The following SNRNP48 variants were observed in gnomAD, a reference collection of about 807,000 sequenced individuals.
SNRNP48 encodes the protein small nuclear ribonucleoprotein U11/U12 subunit 48.
Under a neutral mutation model 47.0 loss-of-function variants are expected in SNRNP48, and 43 were observed. That is an observed-to-expected ratio of 0.92 (90% CI 0.72 to 1.18). The LOEUF (loss-of-function observed/expected upper bound fraction) is 1.18. Among genes scored for constraint, SNRNP48 ranks in the 50% most tolerant of loss-of-function variants. The pLI is 0.00. For synonymous variants in SNRNP48, 138 were observed against 144.0 expected, an observed-to-expected ratio of 0.96 and a Z score of 0.30; for missense variants, 396 against 422.2, an observed-to-expected ratio of 0.94 and a Z score of 0.54.
chr6:7,593,069 A>G (rs1759846982), intron 1 of SNRNP48, among the ~76,000 whole-genome samples: 1 of 152,096 alleles, frequency 6.6e-6, no homozygotes, highest in Non-Finnish European at 1.5e-5. Flanking sequence ...ACGGTACTGG[A>G]GAGAAACAAG....
rs947600120 is a variant in SNRNP48 at position 7,601,651 on chromosome 6, A to T, written c.595+127A>T. 3 of 958,966 alleles carry T rather than the reference A, an allele frequency of 3.1e-6. No homozygotes were observed. In the African/African-American group the frequency reaches 5.2e-5, roughly 16 times the overall value. 59.4% of individuals were successfully genotyped at this position (958,966 alleles called of 1,614,324 possible). A position where few individuals can be genotyped will look rare whatever the true frequency, so the allele number is the denominator to read the frequency against. On this transcript the variant is annotated intron_variant, in intron 5 of 8. Coordinates refer to ENST00000342415, the MANE Select transcript of SNRNP48 (RefSeq NM_152551.4). ...AATGGTTTTGTATCATTTAATATTG[A>T]CATGAAGTTGGCCCTCTGTGTCTGT...
In SNRNP48 at chr6:7,610,279, G is replaced by A. The variant is rs1371651101; in HGVS notation, c.*1406G>A. The A allele has an allele frequency of 3.9e-5, 6 of 152,208 alleles. No individual in the cohort carries two copies. 9.4% of individuals were successfully genotyped at this position (152,208 alleles called of 1,614,324 possible). A position where few individuals can be genotyped will look rare whatever the true frequency, so the allele number is the denominator to read the frequency against. ...TGACAGAAAGATTGGATTTGGATCAGATTGGCTGTTAGGCTTCAGGTATGG... is the reference window on the plus strand; with the variant it reads ...TGACAGAAAGATTGGATTTGGATCAAATTGGCTGTTAGGCTTCAGGTATGG... On this transcript the variant is annotated 3_prime_UTR_variant, in exon 9 of 9. Coordinates refer to ENST00000342415, the MANE Select transcript of SNRNP48 (RefSeq NM_152551.4).
At chr6:7,598,099 C>G (rs1451195090) in intron 4 of SNRNP48, among the ~76,000 whole-genome samples, 1 of 151,624 alleles carries the variant, frequency 6.6e-6, no homozygotes, top group Non-Finnish European at 1.5e-5. Context: ...GATCTCCTGA[C>G]CTTGTGATCT....
In SNRNP48 at chr6:7,608,800, T is replaced by A. The variant is rs200856216; in HGVS notation, c.972-25T>A. 13 of 1,424,702 alleles carry A rather than the reference T, an allele frequency of 9.1e-6. No homozygotes were observed. In the East Asian group the frequency reaches 2.9e-4, roughly 31 times the overall value. 88.3% of individuals were successfully genotyped at this position (1,424,702 alleles called of 1,614,324 possible). A position where few individuals can be genotyped will look rare whatever the true frequency, so the allele number is the denominator to read the frequency against. On this transcript the variant is annotated intron_variant, in intron 8 of 8. Coordinates refer to ENST00000342415, the MANE Select transcript of SNRNP48 (RefSeq NM_152551.4). ...TTAAAATGTCCATCATTTATAACCATTTTTTTATACCTCTTTTATTTCAGG... is the reference window on the plus strand; with the variant it reads ...TTAAAATGTCCATCATTTATAACCAATTTTTTATACCTCTTTTATTTCAGG...
intron 8 of SNRNP48, among the ~76,000 whole-genome samples, chr6:7,607,747 T>C (rs1274011882): frequency 6.6e-6 from 1 of 152,242 alleles, no homozygotes; most frequent in Non-Finnish European, 1.5e-5. Flanking sequence ...TACTTAGTTT[T>C]ATACACAAAG....
chr6:7,602,132 CG>C (rs1760035881), intron 5 of SNRNP48, among the ~76,000 whole-genome samples: 1 of 152,080 alleles, frequency 6.6e-6, no homozygotes, highest in Admixed American at 6.6e-5. Context: ...GGGATTACAA[CG>C]TGAGCCACTG....
chr6:7,603,780 A>T (rs777101508), intron 6 of SNRNP48, among the ~76,000 whole-genome samples: 2 of 152,230 alleles, frequency 1.3e-5, no homozygotes, highest in Non-Finnish European at 2.9e-5. Context: ...TAGCAAGTAG[A>T]GACCTGGGTC....
intron 4 of SNRNP48, chr6:7,600,887 GT>G: frequency 6.6e-6 from 1 of 152,296 alleles, no homozygotes; most frequent in East Asian, 1.9e-4. Context: ...TTTTTACACA[GT>G]TTTTAATATT....
chr6:7,593,130 C>T (rs1412214864), intron 1 of SNRNP48, among the ~76,000 whole-genome samples: 3 of 151,992 alleles, frequency 2.0e-5, no homozygotes, highest in Non-Finnish European at 2.9e-5. Flanking sequence ...AGAGTTGTAG[C>T]TTTGAGATCT....
rs754477734 is a variant in SNRNP48 at position 7,593,741 on chromosome 6, T to C, written c.164T>C (p.Val55Ala). ...TCTGTTTGATTTTTATAGGATGAAG[T>C]TGTGATATGTCCATACGATTCCAAT... is the stretch of plus-strand genomic sequence containing the variant. ...PGEEEAAEDE[V>A]VICPYDSNHH... The change falls in exon 2 of 9, where the codon GTT becomes GCT. Residue 55 changes from valine to alanine, a missense_variant. Val to Ala is a moderately conservative substitution (Grantham distance 64, BLOSUM62 0). Coordinates refer to ENST00000342415, the MANE Select transcript of SNRNP48 (RefSeq NM_152551.4). 6 of 1,567,860 alleles carry C rather than the reference T, an allele frequency of 3.8e-6. No individual in the cohort carries two copies. The Admixed American group carries it at 7.9e-5, about 21-fold the overall frequency.
chr6:7,598,776 C>T (rs1045775721), intron 4 of SNRNP48, among the ~76,000 whole-genome samples: 1 of 152,148 alleles, frequency 6.6e-6, no homozygotes, highest in African/African-American at 2.4e-5. Context: ...TCTGTCATGT[C>T]AGGCCTAAAC....
chr6:7,603,878 C>G (rs951175278), intron 6 of SNRNP48, among the ~76,000 whole-genome samples: 1 of 152,206 alleles, frequency 6.6e-6, no homozygotes. Flanking sequence ...CCCTTGTAAT[C>G]AAGCTTAAAT....
Position 7,608,908 on chromosome 6 carries a change from G to A in SNRNP48, c.*35G>A, listed in dbSNP as rs750792178. 25 of 1,241,902 alleles carry A rather than the reference G, an allele frequency of 2.0e-5. No individual in the cohort carries two copies. The highest frequency in any genetic ancestry group is 2.6e-5 in the Non-Finnish European group (23 of 896,166). 76.9% of individuals were successfully genotyped at this position (1,241,902 alleles called of 1,614,324 possible). Reference sequence around the variant, plus strand: ...TTGTACCTATATTAATTATGCTTACGCCATGATAACCAATATACAGATATA... The same window carrying A: ...TTGTACCTATATTAATTATGCTTACACCATGATAACCAATATACAGATATA... On this transcript the variant is annotated 3_prime_UTR_variant, in exon 9 of 9. Transcript: ENST00000342415.
At position 7,608,992 on chromosome 6, in the gene SNRNP48, T is replaced by C; in HGVS notation, c.*119T>C. 2.1e-6 allele frequency: 1 copy of C among 480,632 alleles called. No individual in the cohort carries two copies. Among genetic ancestry groups the C allele is most frequent in the Non-Finnish European group, 3.5e-6 (1 of 285,928 alleles). The allele number at this position is 480,632 out of a possible 1,614,324, so 29.8% of individuals were successfully genotyped here. On this transcript the variant is annotated 3_prime_UTR_variant, in exon 9 of 9. Transcript: ENST00000342415. ...TTATGATCTGTTTAGTGCTTATTAT[T>C]TTTTTTATGATCTGTTTAGTGCTTA...
At position 7,593,696 on chromosome 6, in the gene SNRNP48, A is replaced by G. The variant is rs1449692573; in HGVS notation, c.157-38A>G. 5 of 1,242,512 alleles carry G rather than the reference A, an allele frequency of 4.0e-6. No individual in the cohort carries two copies. In the South Asian group the frequency reaches 7.4e-5, roughly 18 times the overall value. The allele number at this position is 1,242,512 out of a possible 1,614,324, so 77.0% of individuals were successfully genotyped here. On this transcript the variant is annotated intron_variant, in intron 1 of 8. Coordinates refer to ENST00000342415, the MANE Select transcript of SNRNP48 (RefSeq NM_152551.4). ...AATGGTAATTATTTATTTAAATATTATGTACCTATTTTCTTTGTTTCTGTT... is the reference window on the plus strand; with the variant it reads ...AATGGTAATTATTTATTTAAATATTGTGTACCTATTTTCTTTGTTTCTGTT...
chr6:7,602,759 A>C lies in SNRNP48; in HGVS notation c.717+15A>C. 6.6e-7 allele frequency: 1 copy of C among 1,523,276 alleles called. No homozygotes were observed. Among genetic ancestry groups the C allele is most frequent in the Non-Finnish European group, 8.8e-7 (1 of 1,138,800 alleles). The allele number at this position is 1,523,276 out of a possible 1,614,324, so 94.4% of individuals were successfully genotyped here. ...CATATACTGAGGTAAGTTTTACATA[A>C]TCTTTGTTGATAAGAATTTCCCTTA... is the stretch of plus-strand genomic sequence containing the variant. On this transcript the variant is annotated intron_variant, in intron 6 of 8. Transcript: ENST00000342415.
intron 1 of SNRNP48, 110 bp downstream of exon 1, chr6:7,590,523 T>G (rs1759797342): frequency 8.5e-7 from 1 of 1,178,112 alleles, no homozygotes; most frequent in Non-Finnish European, 1.1e-6. Context: ...GGAGTCCTCG[T>G]CCGTGTGCAG....
At chr6:7,593,902 A>C (rs1759861011) in intron 2 of SNRNP48, 55 bp downstream of exon 2, 8 of 1,316,988 alleles carry the variant, frequency 6.1e-6, no homozygotes, top group Non-Finnish European at 6.2e-6. Context: ...TTTACACATT[A>C]ATTCACAATT....
At position 7,610,096 on chromosome 6, in the gene SNRNP48, A is replaced by G. The variant is rs530311394; in HGVS notation, c.*1223A>G. On this transcript the variant is annotated 3_prime_UTR_variant, in exon 9 of 9. Coordinates refer to ENST00000342415, the MANE Select transcript of SNRNP48 (RefSeq NM_152551.4). ...TGCATTTTTTTTGTTGCTGAGTAGT[A>G]TGTTCTATCTTATGTCAGATCATTC... The G allele has an allele frequency of 2.6e-5, 4 of 152,250 alleles. No homozygotes were observed. Among genetic ancestry groups the G allele is most frequent in the African/African-American group, 9.6e-5 (4 of 41,550 alleles). The allele number at this position is 152,250 out of a possible 1,614,324, so 9.4% of individuals were successfully genotyped here.
Sources: allele counts gnomAD v4.1 joint callset (sites outside exome capture counted in the v4.1 genomes callset), GRCh38; gene constraint gnomAD v4.1.1; transcripts MANE v1.5; gene names NCBI Gene and HGNC (gene_info 2026-07-23, HGNC 2026-07-21).